Variants in RNF6 observed in about 807,000 individuals in gnomAD.
The protein encoded by RNF6 is ring finger protein 6, also known as E3 ubiquitin-protein ligase RNF6.
RNF6 carries 21 observed loss-of-function variants against 50.1 expected under a neutral mutation model. That is an observed-to-expected ratio of 0.42 (90% CI 0.30 to 0.60). RNF6 has a LOEUF of 0.60. Among genes scored for constraint, RNF6 ranks in the 20% least tolerant of loss-of-function variants. The pLI, the probability that RNF6 is intolerant of heterozygous loss-of-function variation, is 0.20. For missense variants in RNF6, 698 were observed against 838.2 expected (o/e 0.83, Z 2.07); for synonymous variants, 255 against 291.8 (o/e 0.87, Z 1.29).
chr13:26,159,378 A>C (rs1162845005), intron 5 of RNF6, among the ~76,000 whole-genome samples: 1 of 152,102 alleles, frequency 6.6e-6, no homozygotes, highest in Non-Finnish European at 1.5e-5. Context: ...TAATCCCAGC[A>C]CTTTGGGAGG....
At chr13:26,185,571 C>G (rs1396222545) in intron 5 of RNF6, among the ~76,000 whole-genome samples, 1 of 151,954 alleles carries the variant, frequency 6.6e-6, no homozygotes, top group Non-Finnish European at 1.5e-5. Flanking sequence ...ATGGTGAAAC[C>G]CCGTCTCTAC....
intron 5 of RNF6, among the ~76,000 whole-genome samples, chr13:26,203,990 C>G (rs1440595829): frequency 6.6e-6 from 1 of 152,014 alleles, no homozygotes; most frequent in South Asian, 2.1e-4. Context: ...GCAATGCAGT[C>G]TGAGGCTTTT....
intron 4 of RNF6, among the ~76,000 whole-genome samples, chr13:26,217,964 T>C (rs992562951): frequency 2.0e-5 from 3 of 152,212 alleles, no homozygotes; most frequent in Non-Finnish European, 2.9e-5. Flanking sequence ...TTTGATATAA[T>C]ATGTGAAACT....
chr13:26,216,304 T>C (rs533156640), intron 4 of RNF6, among the ~76,000 whole-genome samples: 4 of 152,280 alleles, frequency 2.6e-5, no homozygotes, highest in South Asian at 2.1e-4. Flanking sequence ...TAGCATAATA[T>C]CTGGCACATA....
intron 5 of RNF6, among the ~76,000 whole-genome samples, chr13:26,161,317 A>G (rs918455433): frequency 1.3e-5 from 2 of 152,198 alleles, no homozygotes; most frequent in Admixed American, 6.5e-5. Context: ...TTAATCTTCC[A>G]GATATACTTT....
At chr13:26,201,889 C>T (rs549781372) in intron 5 of RNF6, among the ~76,000 whole-genome samples, 5 of 152,236 alleles carry the variant, frequency 3.3e-5, no homozygotes, top group African/African-American at 1.2e-4. Flanking sequence ...TTGACTGATA[C>T]TCAGTGTCCC....
chr13:26,152,796 G>C (rs981524959), intron 5 of RNF6, among the ~76,000 whole-genome samples: 2 of 152,172 alleles, frequency 1.3e-5, no homozygotes, highest in African/African-American at 4.8e-5. Context: ...TTAGAGAAGG[G>C]AGAAGTCAGC....
At chr13:26,160,401 T>A (rs1872138546) in intron 5 of RNF6, among the ~76,000 whole-genome samples, 1 of 152,150 alleles carries the variant, frequency 6.6e-6, no homozygotes, top group Admixed American at 6.6e-5. Context: ...CTATTTTTTT[T>A]ATTTAAGAGA....
intron 5 of RNF6, among the ~76,000 whole-genome samples, chr13:26,182,942 G>A (rs1183745622): frequency 2.6e-5 from 4 of 152,096 alleles, no homozygotes; most frequent in African/African-American, 9.7e-5. Context: ...GGAACATTGA[G>A]TTAGCATGCG....
intron 5 of RNF6, among the ~76,000 whole-genome samples, chr13:26,203,851 A>C (rs1195369166): frequency 6.6e-6 from 1 of 152,174 alleles, no homozygotes; most frequent in African/African-American, 2.4e-5. Flanking sequence ...AGTCCCAGCT[A>C]CTGAGGCAGG....
chr13:26,204,458 C>T (rs910740020), intron 5 of RNF6, among the ~76,000 whole-genome samples: 5 of 135,538 alleles, frequency 3.7e-5, no homozygotes, highest in African/African-American at 1.1e-4. Flanking sequence ...GATTGCACCA[C>T]TGCACTTTAG....
intron 5 of RNF6, among the ~76,000 whole-genome samples, chr13:26,164,978 A>G (rs1872377581): frequency 6.6e-6 from 1 of 152,214 alleles, no homozygotes; most frequent in Non-Finnish European, 1.5e-5. Context: ...CCGAATGTTA[A>G]TCCCCAAGAC....
In RNF6 at chr13:26,165,177, A is replaced by G. The variant is rs1872389327; in HGVS notation, n.769-32726T>C. On this transcript the variant is annotated intron_variant and non_coding_transcript_variant, in intron 5 of 5. Coordinates refer to the RNF6 transcript ENST00000468480. ...CCATGGCTGAAAGGGGCCAACGTAGAACTTGGGACATGGCTTCAGAAGGTG... is the reference window on the plus strand; with the variant it reads ...CCATGGCTGAAAGGGGCCAACGTAGGACTTGGGACATGGCTTCAGAAGGTG... 5.3e-5 allele frequency among the ~76,000 whole-genome samples: 8 copies of G among 152,298 alleles called. No homozygotes were observed. The South Asian group carries it at 1.7e-3, about 32-fold the overall frequency.
intron 5 of RNF6, among the ~76,000 whole-genome samples, chr13:26,175,342 A>G (rs1222047520): frequency 1.3e-5 from 2 of 152,226 alleles, no homozygotes; most frequent in South Asian, 2.1e-4. Flanking sequence ...CGGGCCCCCA[A>G]AGTGCTGGGA....
At chr13:26,196,885 A>T (rs937420775) in intron 5 of RNF6, among the ~76,000 whole-genome samples, 3 of 152,008 alleles carry the variant, frequency 2.0e-5, no homozygotes, top group African/African-American at 7.3e-5. Context: ...AACTAGCATT[A>T]TAAGGTGAGT....
intron 5 of RNF6, among the ~76,000 whole-genome samples, chr13:26,132,944 A>G (rs1042125922): frequency 6.6e-6 from 1 of 152,140 alleles, no homozygotes; most frequent in African/African-American, 2.4e-5. Context: ...CAGAATTTGC[A>G]TTTCTAACAG....
At chr13:26,151,877 T>C (rs1871623678) in intron 5 of RNF6, among the ~76,000 whole-genome samples, 1 of 152,192 alleles carries the variant, frequency 6.6e-6, no homozygotes, top group Non-Finnish European at 1.5e-5. Context: ...TCTTCTCCAT[T>C]TCTCTGGGGT....
At chr13:26,138,738 A>G (rs145961160) in intron 5 of RNF6, among the ~76,000 whole-genome samples, 73 of 152,338 alleles carry the variant, frequency 4.8e-4, no homozygotes, top group African/African-American at 1.6e-3. Context: ...TAAGAAAATA[A>G]CTAAAAAATA....
At chr13:26,172,694 C>A (rs1473549625) in intron 5 of RNF6, among the ~76,000 whole-genome samples, 2 of 152,118 alleles carry the variant, frequency 1.3e-5, no homozygotes, top group Non-Finnish European at 2.9e-5. Flanking sequence ...CAGGTGCCCG[C>A]CACCATGCCC....
Sources: gnomAD v4.1 joint callset for allele counts (sites outside exome capture counted in the v4.1 genomes callset) on GRCh38, gnomAD v4.1.1 for gene constraint, MANE v1.5 for transcripts, NCBI Gene and HGNC (gene_info 2026-07-23, HGNC 2026-07-21) for gene names.